Variants in ACP1 observed in about 807,000 individuals in gnomAD.
The protein encoded by ACP1 is acid phosphatase 1.
ACP1 carries 23 observed loss-of-function variants against 23.4 expected under a neutral mutation model. That is an observed-to-expected ratio of 0.98 (90% CI 0.71 to 1.39). The LOEUF (loss-of-function observed/expected upper bound fraction) is 1.39. Ranked by LOEUF, ACP1 falls within the 40% of genes most tolerant of loss-of-function variation. ACP1 has a pLI of 0.00. For missense variants in ACP1, 180 were observed against 197.7 expected (o/e 0.91, Z 0.54); for synonymous variants, 72 against 67.2 (o/e 1.07, Z -0.35).
In ACP1 at chr2:277,464, A is replaced by G; in HGVS notation, c.*160A>G. On this transcript the variant is annotated 3_prime_UTR_variant, in exon 6 of 6. Coordinates refer to ENST00000272065, the MANE Select transcript of ACP1 (RefSeq NM_004300.4). ...TAAAAAGTAATTGTAGATGGAAATCAGTTGTGTTTGGCAGGAGAATCAATA... is the reference window on the plus strand; with the variant it reads ...TAAAAAGTAATTGTAGATGGAAATCGGTTGTGTTTGGCAGGAGAATCAATA... 1.5e-6 allele frequency: 1 copy of G among 659,544 alleles called. No individual in the cohort carries two copies. Among genetic ancestry groups the G allele is most frequent in the South Asian group, 1.8e-5 (1 of 55,258 alleles). The allele number at this position is 659,544 out of a possible 1,614,324, so 40.9% of individuals were successfully genotyped here.
intron 4 of ACP1, among the ~76,000 whole-genome samples, 178 bp from the exon 5 acceptor site, chr2:276,802 G>A (rs1292455516): frequency 6.6e-6 from 1 of 152,142 alleles, no homozygotes; most frequent in East Asian, 1.9e-4. Flanking sequence ...CCTAGAGAGA[G>A]GGCAGTGGCA....
chr2:273,287 G>C (rs1480235838), intron 3 of ACP1: 5 of 152,198 alleles, frequency 3.3e-5, no homozygotes, highest in Non-Finnish European at 7.3e-5. Context: ...TCCAACAAAG[G>C]AACTTTGGGG....
chr2:276,293 C>G (rs577416320), intron 4 of ACP1, among the ~76,000 whole-genome samples: 1 of 152,282 alleles, frequency 6.6e-6, no homozygotes, highest in South Asian at 2.1e-4. Flanking sequence ...AGACTTAGGC[C>G]TGCCTGCAGT....
intron 1 of ACP1, among the ~76,000 whole-genome samples, chr2:270,559 A>G (rs1558262605): frequency 6.6e-6 from 1 of 151,868 alleles, no homozygotes; most frequent in Non-Finnish European, 1.5e-5. Context: ...GTGCTGCTGT[A>G]GTGTATTGTT....
intron 1 of ACP1, chr2:269,291 TG>T (rs1416055298): frequency 1.1e-5 from 5 of 470,742 alleles, no homozygotes; most frequent in South Asian, 7.8e-5. Flanking sequence ...TTTCCCTTTA[TG>T]GTTTGTAGGT....
In ACP1 at chr2:264,978, C is replaced by T. The variant is rs369916711; in HGVS notation, c.14C>T (p.Ala5Val). 6.2e-7 allele frequency: 1 copy of T among 1,613,064 alleles called. No individual in the cohort carries two copies. The change falls in exon 1 of 6, where the codon GCT becomes GTT. Residue 5 changes from alanine (A) to valine (V), a missense_variant. Physicochemically the swap from Ala to Val is moderately conservative, Grantham distance 64 (BLOSUM62 0). This residue lies in a region of ACP1 where 132 missense variants were observed against 124.1 expected (regional missense o/e 1.06). Transcript: ENST00000272065. Reference sequence around the variant, plus strand: ...GCGCGCGGGAAGATGGCGGAACAGGCTACCAAGTCCGTGCTGTTTGTGTGT... The same window carrying T: ...GCGCGCGGGAAGATGGCGGAACAGGTTACCAAGTCCGTGCTGTTTGTGTGT... Reference protein sequence around the residue: MAEQATKSVLFVCLG... With the variant: MAEQVTKSVLFVCLG...
At chr2:274,786 A>G (rs1290423324) in intron 3 of ACP1, 2 of 155,760 alleles carry the variant, frequency 1.3e-5, no homozygotes, top group Admixed American at 6.5e-5. Context: ...GTGCTTGTGG[A>G]ATGAAAAATA....
Position 277,405 on chromosome 2 carries a change from GCT to G in ACP1, c.*104_*105del, listed in dbSNP as rs1329516620. On this transcript the variant is annotated 3_prime_UTR_variant, in exon 6 of 6. Coordinates refer to ENST00000272065, the MANE Select transcript of ACP1 (RefSeq NM_004300.4). ...ATCACGTTCCAGGGCCCAAAGCCCA[GCT>G]CTTTGTTCAGTTGACTTACTGTTTC... 1 of 1,020,382 alleles carries G rather than the reference GCT, an allele frequency of 9.8e-7. No individual in the cohort carries two copies. The highest frequency in any genetic ancestry group is 1.6e-6 in the Non-Finnish European group (1 of 643,552). 63.2% of individuals were successfully genotyped at this position (1,020,382 alleles called of 1,614,324 possible).
chr2:267,961 G>C (rs895388615), intron 1 of ACP1, among the ~76,000 whole-genome samples: 16 of 152,148 alleles, frequency 1.1e-4, no homozygotes, highest in Non-Finnish European at 1.5e-4. Context: ...TCTACTTTTA[G>C]ATTTTTTCCA....
Position 271,880 on chromosome 2 carries a change from T to A in ACP1, c.58T>A (p.Ser20Thr). ...TTTTTTTAAAGGTAACATTTGTCGA[T>A]CACCCATTGCAGAAGCAGTTTTCAG... ...LFVCLGNICR[S>T]PIAEAVFRKL... is the part of the protein sequence containing the mutation. Residue 20 changes from serine (S) to threonine (T), a missense_variant, in exon 2 of 6, where the codon TCA becomes ACA. Physicochemically the swap from Ser to Thr is moderately conservative, Grantham distance 58 (BLOSUM62 1). Coordinates refer to ENST00000272065, the MANE Select transcript of ACP1 (RefSeq NM_004300.4). The A allele has an allele frequency of 6.2e-7, 1 of 1,612,682 alleles. No homozygotes were observed. Among genetic ancestry groups the A allele is most frequent in the Non-Finnish European group, 8.5e-7 (1 of 1,179,318 alleles).
chr2:268,850 A>C (rs1669959735), intron 1 of ACP1, among the ~76,000 whole-genome samples: 1 of 152,188 alleles, frequency 6.6e-6, no homozygotes, highest in Admixed American at 6.5e-5. Context: ...TTCATAACAA[A>C]ATTTGGTGGC....
chr2:271,158 T>G (rs1482471422), intron 1 of ACP1, among the ~76,000 whole-genome samples: 1 of 152,194 alleles, frequency 6.6e-6, no homozygotes, highest in Non-Finnish European at 1.5e-5. Context: ...CTTAAATGCA[T>G]GTTTGTGTGT....
chr2:272,298 C>T (rs1486206161), intron 3 of ACP1, 148 bp downstream of exon 3: 2 of 1,613,078 alleles, frequency 1.2e-6, no homozygotes, highest in East Asian at 2.2e-5. Flanking sequence ...GCCCATAAAG[C>T]AAGACAGGTA....
Position 277,076 on chromosome 2 carries a change from T to A in ACP1, c.390T>A (p.Asp130Glu). The change falls in exon 5 of 6, where the codon GAT (aspartate) becomes GAA (glutamate). Residue 130 changes from aspartate to glutamate, a missense_variant. Asp to Glu is a conservative substitution (Grantham distance 45). Around this residue, in one of 3 missense-constraint regions of ACP1, gnomAD observed 35 missense variants for 40.5 expected, o/e 0.86. Coordinates refer to ENST00000272065, the MANE Select transcript of ACP1 (RefSeq NM_004300.4). ...CACAAAAACAACTTATTATTGAAGA[T>A]CCCTATTATGTAAGTACAGTTCACG... is the stretch of plus-strand genomic sequence containing the variant. ...YDPQKQLIIE[D>E]PYYGNDSDFE... is the part of the protein sequence containing the mutation. 2 of 1,611,152 alleles carry A rather than the reference T, an allele frequency of 1.2e-6. No individual in the cohort carries two copies. Among genetic ancestry groups the A allele is most frequent in the South Asian group, 1.1e-5 (1 of 90,976 alleles).
At chr2:273,142 G>A (rs150888443) in intron 3 of ACP1, 3 of 154,268 alleles carry the variant, frequency 1.9e-5, no homozygotes, top group South Asian at 2.0e-4. Flanking sequence ...GAGTGAGAGC[G>A]AGAACTAGAA....
rs776304705 is a variant in ACP1 at position 265,042 on chromosome 2, C to A, written c.43+35C>A. 7 of 1,608,856 alleles carry A rather than the reference C, an allele frequency of 4.4e-6. No homozygotes were observed. In the African/African-American group the frequency reaches 9.5e-5, roughly 22 times the overall value. ...CGCCGACTTACTCATGTTCTGACGTCCTCTGGAGAGTTGGATCGGGCTTGT... is the reference window on the plus strand; with the variant it reads ...CGCCGACTTACTCATGTTCTGACGTACTCTGGAGAGTTGGATCGGGCTTGT... On this transcript the variant is annotated intron_variant, in intron 1 of 5. Transcript: ENST00000272065.
At chr2:270,923 C>T (rs1039106047) in intron 1 of ACP1, among the ~76,000 whole-genome samples, 3 of 152,068 alleles carry the variant, frequency 2.0e-5, no homozygotes, top group African/African-American at 7.2e-5. Context: ...TTCTGCTTTC[C>T]TGAGTTTGGG....
At chr2:266,300 T>A (rs1034219100) in intron 1 of ACP1, 2 of 152,242 alleles carry the variant, frequency 1.3e-5, no homozygotes, top group Non-Finnish European at 2.9e-5. Context: ...TTACCTTGTT[T>A]CACATTGGTA....
chr2:266,424 A>G (rs779609155), intron 1 of ACP1: 2 of 152,204 alleles, frequency 1.3e-5, no homozygotes, highest in African/African-American at 2.4e-5. Context: ...ATTCCCTTGT[A>G]TAGTTTTGGT....
Sources: allele counts gnomAD v4.1 joint callset (sites outside exome capture counted in the v4.1 genomes callset), GRCh38; gene constraint gnomAD v4.1.1; regional missense constraint gnomAD v4.1.1; transcripts MANE v1.5; gene names NCBI Gene and HGNC (gene_info 2026-07-23, HGNC 2026-07-21).